Variants in NCOR2 observed in about 807,000 individuals in gnomAD.
NCOR2 encodes the protein CTG repeat protein 26.
Under a neutral mutation model 262.9 loss-of-function variants are expected in NCOR2, and 81 were observed. The ratio of observed to expected loss-of-function variants is 0.31; its 90% CI spans 0.26 to 0.37. The LOEUF (loss-of-function observed/expected upper bound fraction) is 0.37. Among genes scored for constraint, NCOR2 ranks in the 10% least tolerant of loss-of-function variants. The probability of loss-of-function intolerance (pLI) is 1.00; values close to 1 mark genes in which losing one functional copy is unlikely to be tolerated. For missense variants in NCOR2, 3,385 were observed against 3,621.4 expected (o/e 0.93, Z 1.68); for synonymous variants, 1,659 against 1,559.3 (o/e 1.06, Z -1.51).
intron 6 of NCOR2, 144 bp downstream of exon 8, chr12:124,456,962 G>A: frequency 1.4e-6 from 1 of 711,702 alleles, no homozygotes. Flanking sequence ...AGGAAGGTGG[G>A]TTTCCTGCTT....
At chr12:124,416,605 A>ACCCCGCGGCACAGGGAGT (rs1238644229) in intron 13 of NCOR2, among the ~76,000 whole-genome samples, 1 of 141,192 alleles carries the variant, frequency 7.1e-6, no homozygotes, top group Non-Finnish European at 1.5e-5. Flanking sequence ...GCACAGATAG[A>ACCCCGCGGCACAGGGAGT]CCCCGCGGCA....
At chr12:124,392,254 G>A (rs1014835070) in intron 16 of NCOR2, among the ~76,000 whole-genome samples, 1 of 152,222 alleles carries the variant, frequency 6.6e-6, no homozygotes, top group Non-Finnish European at 1.5e-5. Flanking sequence ...AGGAGCAAGA[G>A]TGTGGTCCAG....
chr12:124,567,546 G>A (rs2052289149), upstream of NCOR2: 1 of 146,400 alleles, frequency 6.8e-6, no homozygotes, highest in Admixed American at 6.8e-5. Context: ...GCCGGCGGAC[G>A]CGGGGCTCCG....
chr12:124,339,898 CCCA>C, intron 37 of NCOR2, 105 bp downstream of exon 39: 2 of 596,974 alleles, frequency 3.4e-6, no homozygotes, highest in Non-Finnish European at 5.7e-6. Flanking sequence ...CATCTGCCCA[CCCA>C]CCCACCTCCC....
chr12:124,426,797 G>A, exon 11 of NCOR2: 1 of 1,575,390 alleles, frequency 6.3e-7, no homozygotes, highest in African/African-American at 1.3e-5. Context: ...TGCTTCTCCA[G>A]GTTCTGCAGG....
intron 1 of NCOR2, among the ~76,000 whole-genome samples, chr12:124,558,323 G>A (rs2051953462): frequency 6.6e-6 from 1 of 151,642 alleles, no homozygotes; most frequent in African/African-American, 2.4e-5. Context: ...ATTGTGGGGA[G>A]CGAGCCAAGG....
At chr12:124,385,670 G>C in intron 17 of NCOR2, 75 bp downstream of exon 19, 1 of 1,571,550 alleles carries the variant, frequency 6.4e-7, no homozygotes, top group Non-Finnish European at 8.6e-7. Flanking sequence ...CTGGGGTGCA[G>C]AGACATCTCC....
chr12:124,546,712 C>T (rs1349342624), intron 1 of NCOR2, among the ~76,000 whole-genome samples: 2 of 152,016 alleles, frequency 1.3e-5, no homozygotes, highest in African/African-American at 4.8e-5. Context: ...CGCGCCCAGC[C>T]AATTCCTAAG....
chr12:124,351,005 C>T (rs750099004), intron 27 of NCOR2, among the ~76,000 whole-genome samples: 1 of 152,198 alleles, frequency 6.6e-6, no homozygotes, highest in Non-Finnish European at 1.5e-5. Flanking sequence ...CTCGAAACAA[C>T]CCTAAGACAA....
intron 16 of NCOR2, chr12:124,388,937 A>T (rs1315108548): frequency 9.0e-5 from 7 of 77,758 alleles, no homozygotes; most frequent in African/African-American, 1.5e-4. Flanking sequence ...CTGGCTCGAG[A>T]GGGGCGGGCG....
chr12:124,428,044 A>AGTGT (rs55965573), intron 10 of NCOR2, among the ~76,000 whole-genome samples: 2,491 of 112,452 alleles, frequency 0.022, 109 homozygotes, highest in East Asian at 0.081. Flanking sequence ...CCATGTGGCC[A>AGTGT]GTGTGTGTGT....
chr12:124,466,052 A>C, intron 5 of NCOR2, 121 bp downstream of exon 7: 1 of 937,502 alleles, frequency 1.1e-6, no homozygotes, highest in Non-Finnish European at 1.6e-6. Flanking sequence ...TCTCTGGGGG[A>C]GAGGGTGGCG....
intron 6 of NCOR2, among the ~76,000 whole-genome samples, chr12:124,455,161 G>A (rs559917714): frequency 1.3e-4 from 20 of 152,332 alleles, no homozygotes; most frequent in Middle Eastern, 6.8e-3. Context: ...AATTGACCGT[G>A]GTGACAGTTG....
rs1182995197 is a variant in NCOR2 at position 124,532,972 on chromosome 12, CCAAATCCCACTCCTCTTTCCCCCA to C, written c.-118+2569_-118+2592del. ...ATCCCACTCCTCTTCCCCCCTCCCT[CCAAATCCCACTCCTCTTTCCCCCA>C]CCTCCAAATCGCACTTCTCCTTCCC... On this transcript the variant is annotated intron_variant, in intron 1 of 46. Coordinates refer to the NCOR2 transcript ENST00000404621. Among the ~76,000 whole-genome samples, 11 of 88,086 alleles carry C rather than the reference CCAAATCCCACTCCTCTTTCCCCCA, an allele frequency of 1.2e-4. No individual in the cohort carries two copies. In the South Asian group the frequency reaches 2.4e-3, roughly 19 times the overall value. 57.8% of individuals were successfully genotyped at this position (88,086 alleles called of 152,430 possible).
intron 37 of NCOR2, chr12:124,337,387 C>A: frequency 1.4e-6 from 1 of 729,274 alleles, no homozygotes; most frequent in Non-Finnish European, 2.4e-6. Context: ...TGCATCATTC[C>A]AAAACTTCTG....
chr12:124,500,010 A>G (rs1566000492), upstream of NCOR2, among the ~76,000 whole-genome samples: 1 of 152,144 alleles, frequency 6.6e-6, no homozygotes, highest in Non-Finnish European at 1.5e-5. Context: ...CCCGCTGCAC[A>G]GGCCCGCTGC....
intron 1 of NCOR2, among the ~76,000 whole-genome samples, chr12:124,533,286 C>T (rs1051289606): frequency 6.6e-6 from 1 of 152,026 alleles, no homozygotes; most frequent in Non-Finnish European, 1.5e-5. Context: ...AACTCAGAAT[C>T]GCGCAACCCG....
At chr12:124,400,778 C>A in intron 14 of NCOR2, 105 bp from the exon 17 acceptor site, 1 of 1,424,080 alleles carries the variant, frequency 7.0e-7, no homozygotes, top group South Asian at 1.3e-5. Context: ...GGCTGCCAGC[C>A]ATGGCACTAA....
intron 16 of NCOR2, chr12:124,388,749 C>G: frequency 7.7e-7 from 1 of 1,304,250 alleles, no homozygotes; most frequent in Non-Finnish European, 1.0e-6. Flanking sequence ...GAAGATGCCC[C>G]AGGGAGCGGG....
Sources: allele counts gnomAD v4.1 joint callset (sites outside exome capture counted in the v4.1 genomes callset), GRCh38; gene constraint gnomAD v4.1.1; transcripts MANE v1.5; gene names NCBI Gene and HGNC (gene_info 2026-07-23, HGNC 2026-07-21).